AOPEP: variants seen among roughly 807,000 people sequenced by gnomAD.
The protein encoded by AOPEP is aminopeptidase O.
AOPEP carries 77 observed loss-of-function variants against 98.1 expected under a neutral mutation model. The observed-to-expected ratio is 0.78, with a 90% confidence interval of 0.65 to 0.95. The LOEUF (loss-of-function observed/expected upper bound fraction) is 0.95, where lower values mean the gene tolerates loss of function less well. AOPEP is among the 40% of genes least tolerant of loss of function. AOPEP has a pLI of 0.00. For synonymous variants in AOPEP, 346 were observed against 365.3 expected (o/e 0.95, Z 0.60); for missense variants, 1,024 against 1,024.7 (o/e 1.00, Z 0.01).
Position 94,761,406 on chromosome 9 carries a change from G to A in AOPEP, c.797+826G>A, listed in dbSNP as rs372887398. Reference sequence around the variant, plus strand: ...AAAATCAAACTTTATTGATTCCTCCGTATTTTACCTATTTGTGCTAAAGTA... The same window carrying A: ...AAAATCAAACTTTATTGATTCCTCCATATTTTACCTATTTGTGCTAAAGTA... On this transcript the variant is annotated intron_variant, in intron 2 of 16. Coordinates refer to ENST00000375315, the MANE Select transcript of AOPEP (RefSeq NM_001193329.3). Among the ~76,000 whole-genome samples, 88 of 152,030 alleles carry A rather than the reference G, an allele frequency of 5.8e-4. 1 individual carries two copies. The East Asian group carries it at 0.01, about 17-fold the overall frequency.
At chr9:94,924,240 C>T in intron 6 of AOPEP, 65 bp downstream of exon 6, 1 of 1,270,986 alleles carries the variant, frequency 7.9e-7, no homozygotes, top group Non-Finnish European at 1.0e-6. Flanking sequence ...GTCATTTGCT[C>T]ACCCAACAGC....
chr9:94,914,378 G>T (rs2052498820), intron 5 of AOPEP, among the ~76,000 whole-genome samples: 1 of 152,162 alleles, frequency 6.6e-6, no homozygotes, highest in African/African-American at 2.4e-5. Context: ...CTGTGATGAG[G>T]GACTCCAAAG....
At chr9:95,077,999 A>C (rs1316231993) in intron 14 of AOPEP, among the ~76,000 whole-genome samples, 1 of 151,906 alleles carries the variant, frequency 6.6e-6, no homozygotes, top group African/African-American at 2.4e-5. Context: ...ACATACACTT[A>C]GCTCTTTATA....
chr9:95,047,415 G>T (rs1003070267), intron 13 of AOPEP, among the ~76,000 whole-genome samples: 1 of 152,050 alleles, frequency 6.6e-6, no homozygotes, highest in African/African-American at 2.4e-5. Flanking sequence ...AGAAGGCTTT[G>T]TTTTTGATGT....
chr9:94,952,925 G>T (rs1013924487), intron 7 of AOPEP, among the ~76,000 whole-genome samples: 1 of 152,190 alleles, frequency 6.6e-6, no homozygotes, highest in Non-Finnish European at 1.5e-5. Flanking sequence ...ACATTTTTAG[G>T]CAAAGGAAAA....
chr9:94,984,065 G>A (rs1304973311), intron 11 of AOPEP, among the ~76,000 whole-genome samples: 1 of 149,016 alleles, frequency 6.7e-6, no homozygotes, highest in Non-Finnish European at 1.5e-5. Context: ...ACGGAATCTC[G>A]CTCTGTTACC....
At chr9:94,771,055 G>A (rs888515873) in intron 2 of AOPEP, among the ~76,000 whole-genome samples, 1 of 152,078 alleles carries the variant, frequency 6.6e-6, no homozygotes, top group African/African-American at 2.4e-5. Context: ...TGTTTCTTTG[G>A]GGAAGTGGTA....
At chr9:94,786,577 C>T (rs1844472532) in intron 3 of AOPEP, among the ~76,000 whole-genome samples, 2 of 152,152 alleles carry the variant, frequency 1.3e-5, no homozygotes, top group African/African-American at 4.8e-5. Context: ...AGGTGTTGTT[C>T]CCTGTGGCAG....
At chr9:94,741,453 A>G (rs1833091203) in intron 1 of AOPEP, among the ~76,000 whole-genome samples, 2 of 151,782 alleles carry the variant, frequency 1.3e-5, no homozygotes, top group Admixed American at 6.6e-5. Context: ...TTGTATTTTT[A>G]GTAGAGACTG....
chr9:94,837,952 G>A (rs537540325), intron 5 of AOPEP, among the ~76,000 whole-genome samples: 164 of 152,264 alleles, frequency 1.1e-3, no homozygotes, highest in Non-Finnish European at 2.1e-3. Flanking sequence ...ATCCAAATTG[G>A]TAAAGAGGAA....
At chr9:94,916,120 A>G (rs2052756888) in intron 5 of AOPEP, among the ~76,000 whole-genome samples, 1 of 152,170 alleles carries the variant, frequency 6.6e-6, no homozygotes, top group African/African-American at 2.4e-5. Flanking sequence ...GCTGTTCTGG[A>G]AATGGAGCAA....
At chr9:94,867,099 CCTG>C (rs2045793139) in intron 5 of AOPEP, among the ~76,000 whole-genome samples, 1 of 152,136 alleles carries the variant, frequency 6.6e-6, no homozygotes, top group South Asian at 2.1e-4. Context: ...CAGTCTGCTG[CCTG>C]CTATTTTGAT....
chr9:94,735,268 T>C (rs1004069181), intron 1 of AOPEP, among the ~76,000 whole-genome samples: 1 of 152,234 alleles, frequency 6.6e-6, no homozygotes, highest in African/African-American at 2.4e-5. Flanking sequence ...TCACCCAGGC[T>C]GGAGTGCAGT....
At chr9:95,105,503 GTATT>G in the AOPEP span, among the ~76,000 whole-genome samples, 1 of 152,174 alleles carries the variant, frequency 6.6e-6, no homozygotes, top group Admixed American at 6.5e-5. Flanking sequence ...TCTGAGATGA[GTATT>G]TTTTTAAATT....
chr9:95,079,416 TAGAA>T (rs1446132917), intron 14 of AOPEP, among the ~76,000 whole-genome samples: 2 of 152,242 alleles, frequency 1.3e-5, no homozygotes, highest in Non-Finnish European at 2.9e-5. Flanking sequence ...CAAGGGGTGA[TAGAA>T]GGAGGCTCTT....
the AOPEP span, chr9:95,149,937 G>T: frequency 6.2e-7 from 1 of 1,605,808 alleles, no homozygotes; most frequent in Non-Finnish European, 8.5e-7. Flanking sequence ...AAATGGCCTC[G>T]TTTACAGCCT....
At chr9:94,855,577 C>G (rs1028592781) in intron 5 of AOPEP, among the ~76,000 whole-genome samples, 2 of 152,140 alleles carry the variant, frequency 1.3e-5, no homozygotes, top group South Asian at 4.1e-4. Flanking sequence ...GTCCCAGCTA[C>G]TCGGGAGTCT....
chr9:94,830,382 T>C (rs1368114042), intron 5 of AOPEP, among the ~76,000 whole-genome samples: 1 of 152,278 alleles, frequency 6.6e-6, no homozygotes, highest in Non-Finnish European at 1.5e-5. Context: ...TTGTTTATTT[T>C]ATGCCTGCAT....
intron 13 of AOPEP, among the ~76,000 whole-genome samples, chr9:95,029,103 T>G (rs1216072566): frequency 3.3e-5 from 5 of 152,146 alleles, no homozygotes; most frequent in Non-Finnish European, 7.4e-5. Flanking sequence ...CTCAGGGGCT[T>G]GCCTGGGACT....
Sources: gnomAD v4.1 joint callset for allele counts (sites outside exome capture counted in the v4.1 genomes callset) on GRCh38, gnomAD v4.1.1 for gene constraint, MANE v1.5 for transcripts, NCBI Gene and HGNC (gene_info 2026-07-23, HGNC 2026-07-21) for gene names.